SLC24A2: variants seen among roughly 807,000 people sequenced by gnomAD.
The protein encoded by SLC24A2 is solute carrier family 24 member 2, also known as sodium/potassium/calcium exchanger 2.
In SLC24A2, 36 loss-of-function variants were observed where a neutral mutation model predicts 62.0. The ratio of observed to expected loss-of-function variants is 0.58; its 90% CI spans 0.44 to 0.77. The LOEUF (loss-of-function observed/expected upper bound fraction) is 0.77, where lower values mean the gene tolerates loss of function less well. Among genes scored for constraint, SLC24A2 ranks in the 30% least tolerant of loss-of-function variants. SLC24A2 has a pLI of 0.00. For synonymous variants in SLC24A2, 358 were observed against 294.0 expected, an observed-to-expected ratio of 1.22 and a Z score of -2.23; for missense variants, 846 against 817.9, an observed-to-expected ratio of 1.03 and a Z score of -0.42.
chr9:20,249,256 C>T, the SLC24A2 span, among the ~76,000 whole-genome samples: 1 of 152,096 alleles, frequency 6.6e-6, no homozygotes, highest in East Asian at 1.9e-4. Flanking sequence ...ATTGTGAGTG[C>T]TCAAAATGTT....
At chr9:20,080,603 C>T in the SLC24A2 span, among the ~76,000 whole-genome samples, 14 of 152,086 alleles carry the variant, frequency 9.2e-5, no homozygotes, top group African/African-American at 3.4e-4. Context: ...AAAGCAATGG[C>T]AACAAAAGCC....
the SLC24A2 span, among the ~76,000 whole-genome samples, chr9:20,029,569 C>T: frequency 1.3e-5 from 2 of 152,186 alleles, no homozygotes; most frequent in Non-Finnish European, 2.9e-5. Flanking sequence ...AGGTTGGATA[C>T]TGCCTGATCT....
chr9:19,804,054 CG>C, the SLC24A2 span, among the ~76,000 whole-genome samples: 1 of 152,200 alleles, frequency 6.6e-6, no homozygotes, highest in Admixed American at 6.5e-5. Context: ...AATAGTGAAG[CG>C]TGAGTCCTCT....
chr9:19,755,545 C>G (rs1333252251), intron 2 of SLC24A2, among the ~76,000 whole-genome samples: 1 of 152,066 alleles, frequency 6.6e-6, no homozygotes. Flanking sequence ...GGAAGTATGA[C>G]AAAGAGGGGA....
chr9:19,951,041 T>C, the SLC24A2 span, among the ~76,000 whole-genome samples: 1 of 152,184 alleles, frequency 6.6e-6, no homozygotes, highest in Non-Finnish European at 1.5e-5. Flanking sequence ...CTCTGGATGA[T>C]CTTACACATT....
At chr9:19,741,970 T>G (rs147212265) in intron 2 of SLC24A2, among the ~76,000 whole-genome samples, 1 of 152,238 alleles carries the variant, frequency 6.6e-6, no homozygotes, top group African/African-American at 2.4e-5. Flanking sequence ...GTAGTTAGTA[T>G]AGTATGCAAT....
the SLC24A2 span, among the ~76,000 whole-genome samples, chr9:20,211,371 G>T: frequency 6.6e-6 from 1 of 152,220 alleles, no homozygotes; most frequent in Non-Finnish European, 1.5e-5. Flanking sequence ...AATTAGCTGG[G>T]TATGGTGGCA....
intron 2 of SLC24A2, among the ~76,000 whole-genome samples, chr9:19,712,060 G>C (rs1168372232): frequency 1.3e-5 from 2 of 152,188 alleles, no homozygotes; most frequent in South Asian, 2.1e-4. Context: ...CAATACCAAA[G>C]TGGCTGCCCT....
chr9:20,222,538 T>G, the SLC24A2 span, among the ~76,000 whole-genome samples: 1 of 152,056 alleles, frequency 6.6e-6, no homozygotes, highest in African/African-American at 2.4e-5. Flanking sequence ...TCACATTGAT[T>G]CAAAACTAGA....
the SLC24A2 span, among the ~76,000 whole-genome samples, chr9:19,803,204 GA>G: frequency 1.3e-5 from 2 of 152,162 alleles, no homozygotes; most frequent in African/African-American, 4.8e-5. Context: ...TTGTTAAGAA[GA>G]TATGTACTGA....
intron 8 of SLC24A2, among the ~76,000 whole-genome samples, chr9:19,530,092 T>TC (rs1383799190): frequency 6.6e-6 from 1 of 151,552 alleles, no homozygotes; most frequent in Non-Finnish European, 1.5e-5. Flanking sequence ...TTTTTTTTTT[T>TC]TTTTTTAAGC....
chr9:20,051,657 C>CTCTTTTTTTTTTTTTT, the SLC24A2 span, among the ~76,000 whole-genome samples: 1 of 73,510 alleles, frequency 1.4e-5, no homozygotes, highest in East Asian at 3.6e-4. Flanking sequence ...TTTTCTTTCT[C>CTCTTTTTTTTTTTTTT]TTTTTTTTTT....
At chr9:19,768,006 C>T (rs1038231146) in intron 2 of SLC24A2, among the ~76,000 whole-genome samples, 1 of 152,114 alleles carries the variant, frequency 6.6e-6, no homozygotes, top group Non-Finnish European at 1.5e-5. Context: ...TGTGCTAGCT[C>T]AGGTCTTTCT....
the SLC24A2 span, among the ~76,000 whole-genome samples, chr9:20,091,846 G>A: frequency 6.6e-6 from 1 of 152,090 alleles, no homozygotes; most frequent in Non-Finnish European, 1.5e-5. Context: ...CAACCTAAAT[G>A]ACCATCAATG....
At chr9:20,030,500 C>G in the SLC24A2 span, among the ~76,000 whole-genome samples, 1 of 152,192 alleles carries the variant, frequency 6.6e-6, no homozygotes, top group African/African-American at 2.4e-5. Flanking sequence ...AGGGGACTGA[C>G]TGGCTGCACC....
intron 2 of SLC24A2, among the ~76,000 whole-genome samples, chr9:19,747,430 T>C (rs1252352268): frequency 1.3e-5 from 2 of 152,212 alleles, no homozygotes; most frequent in Non-Finnish European, 1.5e-5. Context: ...CTTATACATA[T>C]ACTTAATCTC....
the SLC24A2 span, among the ~76,000 whole-genome samples, chr9:20,251,098 A>G: frequency 1.3e-5 from 2 of 152,224 alleles, no homozygotes; most frequent in African/African-American, 4.8e-5. Context: ...TGAAAAAGGA[A>G]AAGCACATCT....
rs114523075 is a variant in SLC24A2 at position 19,638,438 on chromosome 9, T to A, written c.931-16139A>T. Among the ~76,000 whole-genome samples the A allele has an allele frequency of 4.9e-3, 753 of 152,328 alleles. 6 individuals carry two copies. The highest frequency in any genetic ancestry group is 0.017 in the African/African-American group (712 of 41,578). ...ACTTTCTTTTTACCTGCTCTCTCTA[T>A]TGAATACAAAATCCACAACTAAGCA... On this transcript the variant is annotated intron_variant, in intron 2 of 10. Coordinates refer to ENST00000341998, the MANE Select transcript of SLC24A2 (RefSeq NM_020344.4).
chr9:19,712,903 T>C (rs1169189158), intron 2 of SLC24A2, among the ~76,000 whole-genome samples: 1 of 152,112 alleles, frequency 6.6e-6, no homozygotes, highest in Non-Finnish European at 1.5e-5. Flanking sequence ...GTTGTGACAA[T>C]TAAAAACTTC....
Sources: gnomAD v4.1 joint callset for allele counts (sites outside exome capture counted in the v4.1 genomes callset) on GRCh38, gnomAD v4.1.1 for gene constraint, MANE v1.5 for transcripts, NCBI Gene and HGNC (gene_info 2026-07-23, HGNC 2026-07-21) for gene names.